GABRG3: variants seen among roughly 807,000 people sequenced by gnomAD.
GABRG3 encodes the protein gamma-aminobutyric acid receptor subunit gamma-3.
A neutral mutation model predicts 48.8 loss-of-function variants in GABRG3; 25 were observed. The observed-to-expected ratio is 0.51, with a 90% CI of 0.37 to 0.72. The LOEUF is 0.72. GABRG3 is among the 30% of genes least tolerant of loss of function. The pLI is 0.00. For synonymous variants in GABRG3, 227 were observed against 217.6 expected (o/e 1.04, Z -0.38); for missense variants, 394 against 577.9 (o/e 0.68, Z 3.26).
At chr15:27,358,084 T>C (rs138170279) in intron 5 of GABRG3, among the ~76,000 whole-genome samples, 4 of 152,290 alleles carry the variant, frequency 2.6e-5, no homozygotes, top group African/African-American at 9.6e-5. Flanking sequence ...ATTGAGAAGC[T>C]ACCAGACTCA....
chr15:26,986,390 C>A (rs780747053), intron 2 of GABRG3, among the ~76,000 whole-genome samples: 2 of 152,158 alleles, frequency 1.3e-5, no homozygotes, highest in Non-Finnish European at 2.9e-5. Context: ...TACCTGTCAT[C>A]TCCAGGAGAG....
chr15:27,225,403 ATTG>A (rs1889581000), intron 3 of GABRG3, among the ~76,000 whole-genome samples: 1 of 151,990 alleles, frequency 6.6e-6, no homozygotes. Flanking sequence ...TGGACTGCCA[ATTG>A]TTTAGTCTGA....
chr15:27,107,953 A>AT (rs896597105), intron 3 of GABRG3, among the ~76,000 whole-genome samples: 10 of 147,462 alleles, frequency 6.8e-5, no homozygotes, highest in Middle Eastern at 3.5e-3. Flanking sequence ...TGTCTTCTTC[A>AT]TTTTTTTTTC....
At chr15:27,271,404 G>A (rs1195362118) in intron 3 of GABRG3, 2 of 364,356 alleles carry the variant, frequency 5.5e-6, no homozygotes, top group Admixed American at 3.4e-5. Flanking sequence ...GTCTTACGCA[G>A]GGAGCTGCGC....
intron 3 of GABRG3, among the ~76,000 whole-genome samples, chr15:27,317,712 G>C (rs1007396819): frequency 1.6e-4 from 25 of 152,172 alleles, no homozygotes; most frequent in Admixed American, 3.3e-4. Context: ...GAAGCATTTA[G>C]AATGACTTAA....
chr15:27,303,502 T>C (rs971632212), intron 3 of GABRG3, among the ~76,000 whole-genome samples: 1 of 151,678 alleles, frequency 6.6e-6, no homozygotes, highest in Non-Finnish European at 1.5e-5. Context: ...AAAATAAACT[T>C]CCAGGCCTAA....
chr15:27,086,885 T>C (rs1241392024), intron 3 of GABRG3, among the ~76,000 whole-genome samples: 1 of 152,226 alleles, frequency 6.6e-6, no homozygotes, highest in Non-Finnish European at 1.5e-5. Flanking sequence ...TGTGGGCCAC[T>C]GTGTCTGTGG....
At chr15:27,505,332 T>TC (rs1429145251) in intron 6 of GABRG3, among the ~76,000 whole-genome samples, 1 of 152,178 alleles carries the variant, frequency 6.6e-6, no homozygotes, top group Non-Finnish European at 1.5e-5. Context: ...CTGCCAGATT[T>TC]CCCCACTGTA....
intron 5 of GABRG3, among the ~76,000 whole-genome samples, chr15:27,469,809 G>A (rs543469481): frequency 6.6e-6 from 1 of 152,124 alleles, no homozygotes; most frequent in African/African-American, 2.4e-5. Flanking sequence ...GTTAATTCTA[G>A]AACTTTGCTT....
chr15:27,224,629 C>A (rs1889553505), intron 3 of GABRG3, among the ~76,000 whole-genome samples: 1 of 152,218 alleles, frequency 6.6e-6, no homozygotes, highest in African/African-American at 2.4e-5. Flanking sequence ...CAATGCTTTT[C>A]ACTGTCCTAG....
At chr15:27,388,089 G>A (rs1245707063) in intron 5 of GABRG3, among the ~76,000 whole-genome samples, 4 of 55,834 alleles carry the variant, frequency 7.2e-5, no homozygotes, top group South Asian at 7.7e-4. Flanking sequence ...AAGGAAAGGA[G>A]GGAGGAAAGG....
At chr15:27,017,228 G>C (rs747074491) in intron 2 of GABRG3, among the ~76,000 whole-genome samples, 1 of 152,082 alleles carries the variant, frequency 6.6e-6, no homozygotes, top group Non-Finnish European at 1.5e-5. Context: ...AGCCTTTTCT[G>C]GGGATGCGTA....
At chr15:27,204,185 T>C (rs1241879614) in intron 3 of GABRG3, among the ~76,000 whole-genome samples, 1 of 152,128 alleles carries the variant, frequency 6.6e-6, no homozygotes, top group Non-Finnish European at 1.5e-5. Context: ...TTTTGGGTTT[T>C]ACATTTAAGT....
chr15:27,330,400 C>T (rs1893764264), intron 5 of GABRG3, among the ~76,000 whole-genome samples: 1 of 152,200 alleles, frequency 6.6e-6, no homozygotes, highest in Non-Finnish European at 1.5e-5. Context: ...TTTACTTTTG[C>T]TTCTGCTCCT....
chr15:27,500,932 A>T (rs1890608339), intron 6 of GABRG3, among the ~76,000 whole-genome samples: 1 of 150,780 alleles, frequency 6.6e-6, no homozygotes, highest in South Asian at 2.1e-4. Flanking sequence ...GCTGTCTGAG[A>T]AAAATAGGAA....
intron 2 of GABRG3, among the ~76,000 whole-genome samples, chr15:26,993,525 CTTG>C (rs956789461): frequency 4.6e-5 from 7 of 151,926 alleles, no homozygotes; most frequent in Non-Finnish European, 1.0e-4. Context: ...CAAAATTCCT[CTTG>C]TTATTATAGT....
chr15:27,084,495 A>G (rs2140747693), intron 3 of GABRG3, among the ~76,000 whole-genome samples: 1 of 152,352 alleles, frequency 6.6e-6, no homozygotes, highest in African/African-American at 2.4e-5. Flanking sequence ...AGTGAGACAA[A>G]TAAGCAAACA....
At chr15:27,278,668 T>C (rs958748266) in intron 3 of GABRG3, among the ~76,000 whole-genome samples, 2 of 152,206 alleles carry the variant, frequency 1.3e-5, no homozygotes, top group African/African-American at 4.8e-5. Flanking sequence ...CTGGTATGCA[T>C]GCCCAACAGT....
chr15:27,132,215 A>G (rs572464978), intron 3 of GABRG3, among the ~76,000 whole-genome samples: 10 of 152,116 alleles, frequency 6.6e-5, no homozygotes, highest in Non-Finnish European at 1.3e-4. Flanking sequence ...CCCCAGACCA[A>G]TGTCATGTAG....
Sources: allele counts gnomAD v4.1 joint callset (sites outside exome capture counted in the v4.1 genomes callset), GRCh38; gene constraint gnomAD v4.1.1; transcripts MANE v1.5; gene names NCBI Gene and HGNC (gene_info 2026-07-23, HGNC 2026-07-21).